The following TACC2 variants were observed in gnomAD, a reference collection of about 807,000 sequenced individuals.
TACC2 encodes the protein transforming acidic coiled-coil containing protein 2.
TACC2 carries 137 observed loss-of-function variants against 227.3 expected under a neutral mutation model. That is an observed-to-expected ratio of 0.60 (90% CI 0.52 to 0.69). TACC2 has a LOEUF of 0.69. Ranked by LOEUF, TACC2 falls within the 30% of genes least tolerant of loss-of-function variation. The probability of loss-of-function intolerance (pLI) is 0.00; values close to 1 mark genes in which losing one functional copy is unlikely to be tolerated. For synonymous variants in TACC2, 1,523 were observed against 1,487.5 expected (o/e 1.02, Z -0.55); for missense variants, 3,470 against 3,694.4 (o/e 0.94, Z 1.57).
chr10:122,071,886 C>CAA (rs946551835), intron 3 of TACC2, among the ~76,000 whole-genome samples: 2 of 66,826 alleles, frequency 3.0e-5, no homozygotes, highest in Admixed American at 1.5e-4. Flanking sequence ...GACTCTGTCT[C>CAA]AAAAAAAAAA....
chr10:122,082,651 G>A lies in TACC2; in HGVS notation c.151G>A (p.Gly51Ser), dbSNP rs1372977281. The change falls in exon 4 of 23, where the codon GGC becomes AGC. Residue 51 changes from glycine (G) to serine (S), a missense_variant. Physicochemically the swap from Gly to Ser is moderately conservative, Grantham distance 56. Transcript: ENST00000369005. ...TGAAACATTAAATATTTTCAGCATT[G>A]GCAGCGTTGGGCTTGGAGGCTTCTG... is the stretch of plus-strand genomic sequence containing the variant. The part of the protein sequence containing the change: ...SPDHRDASSI[G>S]SVGLGGFCTA... The A allele has an allele frequency of 6.2e-7, 1 of 1,603,638 alleles. No homozygotes were observed. The highest frequency in any genetic ancestry group is 1.1e-5 in the South Asian group (1 of 90,340).
chr10:122,045,995 A>AC (rs1047149907), intron 2 of TACC2, among the ~76,000 whole-genome samples: 3 of 150,462 alleles, frequency 2.0e-5, no homozygotes, highest in African/African-American at 4.9e-5. Context: ...ACATGGTGAG[A>AC]CCCCCATCTC....
chr10:122,220,807 G>T (rs893479463), intron 11 of TACC2, among the ~76,000 whole-genome samples: 1 of 152,212 alleles, frequency 6.6e-6, no homozygotes, highest in African/African-American at 2.4e-5. Flanking sequence ...TTACATTCAT[G>T]ATTTCATTTC....
chr10:122,157,414 T>C (rs971314490), intron 7 of TACC2, among the ~76,000 whole-genome samples: 74 of 152,266 alleles, frequency 4.9e-4, no homozygotes, highest in African/African-American at 1.7e-3. Flanking sequence ...TGGGAGGATA[T>C]TGTTGAAGGC....
At chr10:122,175,741 T>G (rs2093664892) in intron 7 of TACC2, among the ~76,000 whole-genome samples, 1 of 152,210 alleles carries the variant, frequency 6.6e-6, no homozygotes, top group Non-Finnish European at 1.5e-5. Context: ...ATCTTCTCAC[T>G]ATCCAGAGAT....
At chr10:122,120,212 A>G (rs772036969) in intron 5 of TACC2, among the ~76,000 whole-genome samples, 36 of 151,844 alleles carry the variant, frequency 2.4e-4, no homozygotes, top group Non-Finnish European at 4.0e-4. Flanking sequence ...CCCGTCCTTA[A>G]CTCCCAACCA....
At chr10:122,054,055 C>A (rs927270211) in intron 3 of TACC2, among the ~76,000 whole-genome samples, 4 of 152,174 alleles carry the variant, frequency 2.6e-5, no homozygotes, top group African/African-American at 9.7e-5. Context: ...AGGCTTGCAG[C>A]ATGATGTAAT....
intron 5 of TACC2, among the ~76,000 whole-genome samples, chr10:122,105,951 T>TGTGC (rs1301305164): frequency 5.6e-5 from 8 of 144,136 alleles, no homozygotes; most frequent in African/African-American, 2.0e-4. Context: ...TCTCTGTGTG[T>TGTGC]GTGTGTGTGT....
At chr10:122,019,033 A>G (rs965991843) in intron 1 of TACC2, among the ~76,000 whole-genome samples, 1 of 152,214 alleles carries the variant, frequency 6.6e-6, no homozygotes, top group African/African-American at 2.4e-5. Flanking sequence ...CAAAAATAGA[A>G]ACTGGTTGCA....
chr10:122,164,737 G>T (rs1289649883), intron 7 of TACC2, among the ~76,000 whole-genome samples: 1 of 152,262 alleles, frequency 6.6e-6, no homozygotes, highest in South Asian at 2.1e-4. Flanking sequence ...CTGCCGGCCG[G>T]GTCGCATTTC....
chr10:122,069,847 T>C (rs376218034), intron 3 of TACC2, among the ~76,000 whole-genome samples: 1 of 152,162 alleles, frequency 6.6e-6, no homozygotes, highest in Non-Finnish European at 1.5e-5. Flanking sequence ...AAGAGCTCCT[T>C]GTATCACCGA....
At chr10:122,072,182 C>T (rs1364056734) in intron 3 of TACC2, among the ~76,000 whole-genome samples, 2 of 151,952 alleles carry the variant, frequency 1.3e-5, no homozygotes, top group Non-Finnish European at 2.9e-5. Context: ...GTCTCAATCT[C>T]CTGACCTTGT....
chr10:122,177,779 A>C (rs7074661), intron 7 of TACC2, among the ~76,000 whole-genome samples: 4,152 of 152,240 alleles, frequency 0.027, 213 homozygotes, highest in African/African-American at 0.094. Flanking sequence ...AAACTTGGGA[A>C]TGGCCCTTCC....
At chr10:121,996,646 T>C (rs1953539229) in intron 1 of TACC2, among the ~76,000 whole-genome samples, 1 of 152,142 alleles carries the variant, frequency 6.6e-6, no homozygotes, top group South Asian at 2.1e-4. Context: ...GCAGTCACCA[T>C]GAGGTGTAGA....
rs531325968 is a variant in TACC2 at position 122,228,097 on chromosome 10, A to C, written c.7896+89A>C. 4.3e-6 allele frequency: 6 copies of C among 1,386,498 alleles called. No individual in the cohort carries two copies. The East Asian group carries it at 1.4e-4, about 32-fold the overall frequency. 85.9% of individuals were successfully genotyped at this position (1,386,498 alleles called of 1,614,324 possible). Reference sequence around the variant, plus strand: ...CCAAGAAGGCCAGGCCTTCAGAGCAACACTCACCTGGCACCTGCCATGGGT... The same window carrying C: ...CCAAGAAGGCCAGGCCTTCAGAGCACCACTCACCTGGCACCTGCCATGGGT... On this transcript the variant is annotated intron_variant, in intron 14 of 22. Transcript: ENST00000369005.
At position 122,226,350 on chromosome 10, in the gene TACC2, A is replaced by G. The variant is rs2095628445; in HGVS notation, c.7609-16A>G. 2 of 1,599,338 alleles carry G rather than the reference A, an allele frequency of 1.3e-6. No homozygotes were observed. Among genetic ancestry groups the G allele is most frequent in the South Asian group, 2.2e-5 (2 of 90,348 alleles). ...CCAACTGTACCCAAGCTGATATGTG[A>G]TTTTGATCCCTGCAGCAGGACGACG... On this transcript the variant is annotated splice_polypyrimidine_tract_variant and intron_variant, in intron 12 of 22. Transcript: ENST00000369005.
intron 1 of TACC2, among the ~76,000 whole-genome samples, chr10:121,997,513 G>C (rs984047027): frequency 6.6e-6 from 1 of 152,166 alleles, no homozygotes; most frequent in Non-Finnish European, 1.5e-5. Context: ...AATTAGCAGG[G>C]TCTAAGAGGT....
intron 1 of TACC2, among the ~76,000 whole-genome samples, chr10:121,995,699 A>G (rs1953378148): frequency 1.3e-5 from 2 of 152,204 alleles, no homozygotes; most frequent in African/African-American, 4.8e-5. Context: ...TGGAAGGCCA[A>G]GAGGGAACAG....
chr10:121,998,722 T>C (rs1185844416), intron 1 of TACC2, among the ~76,000 whole-genome samples: 1 of 149,696 alleles, frequency 6.7e-6, no homozygotes, highest in Non-Finnish European at 1.5e-5. Flanking sequence ...TGCCAAAGAG[T>C]TGGAAAGAGA....
Sources: gnomAD v4.1 joint callset for allele counts (sites outside exome capture counted in the v4.1 genomes callset) on GRCh38, gnomAD v4.1.1 for gene constraint, MANE v1.5 for transcripts, NCBI Gene and HGNC (gene_info 2026-07-23, HGNC 2026-07-21) for gene names.